The following DRC11 variants were observed in gnomAD, a reference collection of about 807,000 sequenced individuals.
The protein encoded by DRC11 is IQ and AAA domain-containing protein 1.
At chr2:236,462,075 C>A in the DRC11 span, among the ~76,000 whole-genome samples, 1 of 152,148 alleles carries the variant, frequency 6.6e-6, no homozygotes, top group Non-Finnish European at 1.5e-5. This position sits in a 1 kb window ranked among gnomAD's most constrained non-coding sequence, Gnocchi z 6.4. Flanking sequence ...GAGACCCTAG[C>A]AGAAGCCCTG....
At chr2:236,344,533 A>C in the DRC11 span, 1 of 1,578,216 alleles carries the variant, frequency 6.3e-7, no homozygotes, top group Non-Finnish European at 8.7e-7. Context: ...AAAAGGCAAA[A>C]GTAAGGCATG....
chr2:236,348,009 G>A, the DRC11 span, among the ~76,000 whole-genome samples: 3 of 152,124 alleles, frequency 2.0e-5, no homozygotes, highest in East Asian at 1.9e-4. This position sits in a 1 kb window ranked among gnomAD's most constrained non-coding sequence, Gnocchi z 7.4. Flanking sequence ...CTTTGCCCCC[G>A]AGCTTTCATC....
the DRC11 span, among the ~76,000 whole-genome samples, chr2:236,401,089 T>TC: frequency 6.3e-3 from 952 of 152,006 alleles, 11 homozygotes; most frequent in African/African-American, 0.022. This position sits in a 1 kb window ranked among gnomAD's most constrained non-coding sequence, Gnocchi z 4.6. Flanking sequence ...GAGGCACCGT[T>TC]CCCCACAGGA....
At chr2:236,338,496 T>C in the DRC11 span, 1 of 939,898 alleles carries the variant, frequency 1.1e-6, no homozygotes, top group African/African-American at 1.7e-5. Flanking sequence ...TGCAAAGCTC[T>C]GACAAACACA....
chr2:236,409,673 C>T, the DRC11 span, among the ~76,000 whole-genome samples: 1 of 152,000 alleles, frequency 6.6e-6, no homozygotes, highest in African/African-American at 2.4e-5. Flanking sequence ...GAGAGGGCAT[C>T]CCTGTCTTGT....
At chr2:236,466,477 G>A in the DRC11 span, among the ~76,000 whole-genome samples, 1 of 152,300 alleles carries the variant, frequency 6.6e-6, no homozygotes, top group African/African-American at 2.4e-5. Flanking sequence ...TAATTTATAA[G>A]GAAAAGAAGT....
At chr2:236,343,085 G>T in the DRC11 span, among the ~76,000 whole-genome samples, 28 of 152,174 alleles carry the variant, frequency 1.8e-4, no homozygotes, top group Admixed American at 1.8e-3. This position sits in a 1 kb window ranked among gnomAD's most constrained non-coding sequence, Gnocchi z 6.6. Context: ...CTGATTCAAG[G>T]CAGGGTTCCG....
chr2:236,505,017 T>C, the DRC11 span, among the ~76,000 whole-genome samples: 3 of 152,234 alleles, frequency 2.0e-5, no homozygotes, highest in African/African-American at 7.2e-5. Flanking sequence ...GAACAACAGG[T>C]GTGAAAGTGT....
the DRC11 span, among the ~76,000 whole-genome samples, chr2:236,457,418 C>T: frequency 1.1e-4 from 17 of 152,302 alleles, no homozygotes; most frequent in South Asian, 2.1e-4. The surrounding 1 kb of genome is among the most constrained non-coding windows in gnomAD (Gnocchi z 4.7). Context: ...CAAATACAAA[C>T]GTCTATAATT....
chr2:236,448,524 C>G, the DRC11 span, among the ~76,000 whole-genome samples: 1 of 151,900 alleles, frequency 6.6e-6, no homozygotes, highest in Non-Finnish European at 1.5e-5. The surrounding 1 kb of genome is among the most constrained non-coding windows in gnomAD (Gnocchi z 5.3). Context: ...TTAGTAGATA[C>G]GGGGTCTCAC....
At chr2:236,408,950 G>C in the DRC11 span, 1 of 703,890 alleles carries the variant, frequency 1.4e-6, no homozygotes, top group Non-Finnish European at 2.7e-6. This position sits in a 1 kb window ranked among gnomAD's most constrained non-coding sequence, Gnocchi z 5.5. Context: ...GGAAGGCTGC[G>C]AAGTGGACCG....
the DRC11 span, among the ~76,000 whole-genome samples, chr2:236,472,317 T>C: frequency 6.6e-6 from 1 of 152,276 alleles, no homozygotes; most frequent in East Asian, 1.9e-4. The surrounding 1 kb of genome is among the most constrained non-coding windows in gnomAD (Gnocchi z 4.6). Flanking sequence ...GCCTCCACAA[T>C]TCCCCCCTGC....
the DRC11 span, among the ~76,000 whole-genome samples, chr2:236,439,109 G>A: frequency 9.3e-5 from 14 of 150,366 alleles, no homozygotes; most frequent in Non-Finnish European, 2.1e-4. Flanking sequence ...GCCCACAAGA[G>A]AAAGCAGGAA....
At chr2:236,496,550 G>A in the DRC11 span, among the ~76,000 whole-genome samples, 552 of 152,252 alleles carry the variant, frequency 3.6e-3, 5 homozygotes, top group Non-Finnish European at 4.4e-3. This position sits in a 1 kb window ranked among gnomAD's most constrained non-coding sequence, Gnocchi z 6.3. Context: ...AGCAGGGGCC[G>A]AATGCTCGCA....
chr2:236,386,397 G>T, the DRC11 span, among the ~76,000 whole-genome samples: 2 of 152,076 alleles, frequency 1.3e-5, no homozygotes, highest in Non-Finnish European at 2.9e-5. Flanking sequence ...TTGGGAGAAT[G>T]TATGTGTCCA....
chr2:236,308,497 G>T, the DRC11 span, among the ~76,000 whole-genome samples: 1 of 152,274 alleles, frequency 6.6e-6, no homozygotes, highest in Non-Finnish European at 1.5e-5. This position sits in a 1 kb window ranked among gnomAD's most constrained non-coding sequence, Gnocchi z 6.0. Flanking sequence ...TGGTACAGTT[G>T]TGAGTGGCCC....
At chr2:236,428,525 A>G in the DRC11 span, among the ~76,000 whole-genome samples, 1 of 152,166 alleles carries the variant, frequency 6.6e-6, no homozygotes, top group African/African-American at 2.4e-5. Flanking sequence ...GACTTAAAGT[A>G]TATTTTGTCT....
At chr2:236,501,651 G>A in the DRC11 span, among the ~76,000 whole-genome samples, 1 of 152,162 alleles carries the variant, frequency 6.6e-6, no homozygotes, top group Non-Finnish European at 1.5e-5. Flanking sequence ...CCCGAGAAGG[G>A]ACAGTAAACC....
At chr2:236,366,034 A>G in the DRC11 span, among the ~76,000 whole-genome samples, 1 of 152,228 alleles carries the variant, frequency 6.6e-6, no homozygotes, top group Non-Finnish European at 1.5e-5. Flanking sequence ...CAGCTTACGA[A>G]TCACTAAAAG....
Sources: gnomAD v4.1 joint callset for allele counts (sites outside exome capture counted in the v4.1 genomes callset) on GRCh38, gnomAD v4.1.1 for gene constraint, Gnocchi (gnomAD v3.1) non-coding constraint, MANE v1.5 for transcripts, NCBI Gene and HGNC (gene_info 2026-07-23, HGNC 2026-07-21) for gene names.